The following COBLL1 variants were observed in gnomAD, a reference collection of about 807,000 sequenced individuals.
COBLL1 encodes cordon-bleu protein-like 1.
In COBLL1, 50 loss-of-function variants were observed where a neutral mutation model predicts 94.8. The ratio of observed to expected loss-of-function variants is 0.53; its 90% CI spans 0.42 to 0.67. The LOEUF (loss-of-function observed/expected upper bound fraction) is 0.67, where lower values mean the gene tolerates loss of function less well. Ranked by LOEUF, COBLL1 falls within the 30% of genes least tolerant of loss-of-function variation. The pLI is 0.00. For missense variants in COBLL1, 1,362 were observed against 1,348.7 expected (o/e 1.01, Z -0.15); for synonymous variants, 448 against 473.8 (o/e 0.95, Z 0.71).
chr2:164,754,080 C>T (rs773918730), intron 2 of COBLL1, among the ~76,000 whole-genome samples: 6 of 151,976 alleles, frequency 3.9e-5, no homozygotes, highest in Admixed American at 6.6e-5. Context: ...AAATACAGAT[C>T]GGGTATTTCC....
At chr2:164,816,877 T>C (rs191136143) in intron 2 of COBLL1, among the ~76,000 whole-genome samples, 7 of 152,230 alleles carry the variant, frequency 4.6e-5, no homozygotes, top group Admixed American at 3.3e-4. Flanking sequence ...GAAGTCAGGA[T>C]GGGATTTAGC....
intron 7 of COBLL1, among the ~76,000 whole-genome samples, chr2:164,705,904 T>C (rs1006059722): frequency 1.3e-5 from 2 of 152,082 alleles, no homozygotes; most frequent in Admixed American, 1.3e-4. Flanking sequence ...CGTGGTGGCA[T>C]GTGCCTGTAA....
intron 2 of COBLL1, among the ~76,000 whole-genome samples, chr2:164,776,080 A>G (rs1373580198): frequency 6.6e-6 from 1 of 151,666 alleles, no homozygotes; most frequent in African/African-American, 2.4e-5. Flanking sequence ...CTCCACTTCA[A>G]CAAACCCCCC....
At chr2:164,743,548 C>CTT in intron 3 of COBLL1, 139 bp downstream of exon 3, 1 of 676,922 alleles carries the variant, frequency 1.5e-6, no homozygotes, top group Admixed American at 3.0e-5. Context: ...TTTTAGCAGT[C>CTT]TTTTTTTTTA....
chr2:164,764,550 T>G (rs1367988141), intron 2 of COBLL1, among the ~76,000 whole-genome samples: 2 of 152,144 alleles, frequency 1.3e-5, no homozygotes, highest in African/African-American at 4.8e-5. Context: ...AGTTATGGTC[T>G]GAAAATATAT....
chr2:164,749,704 T>C (rs73968243), intron 2 of COBLL1, among the ~76,000 whole-genome samples: 6,518 of 152,238 alleles, frequency 0.043, 147 homozygotes, highest in East Asian at 0.07. Flanking sequence ...GAGCCTAATT[T>C]CAAATAGTGA....
chr2:164,818,842 C>T (rs1228552861), intron 2 of COBLL1, among the ~76,000 whole-genome samples: 1 of 151,114 alleles, frequency 6.6e-6, no homozygotes, highest in African/African-American at 2.4e-5. Flanking sequence ...AATCATAGTT[C>T]ACTGCAGCCT....
At chr2:164,808,532 G>A (rs1238485841) in intron 2 of COBLL1, among the ~76,000 whole-genome samples, 2 of 152,142 alleles carry the variant, frequency 1.3e-5, no homozygotes, top group African/African-American at 4.8e-5. Flanking sequence ...ATAGCTACAT[G>A]TTAGGATTAA....
intron 2 of COBLL1, among the ~76,000 whole-genome samples, chr2:164,659,029 T>A (rs1446971383): frequency 6.6e-6 from 1 of 152,158 alleles, no homozygotes; most frequent in African/African-American, 2.4e-5. Flanking sequence ...AATAATCTCC[T>A]AATGGCTTCC....
intron 2 of COBLL1, among the ~76,000 whole-genome samples, chr2:164,836,488 T>C (rs1339667119): frequency 1.3e-5 from 2 of 152,328 alleles, no homozygotes; most frequent in Non-Finnish European, 1.5e-5. Context: ...CATAGCACTA[T>C]GAAAAGCATA....
At chr2:164,718,729 C>T (rs953188495) in intron 7 of COBLL1, among the ~76,000 whole-genome samples, 5 of 152,056 alleles carry the variant, frequency 3.3e-5, no homozygotes, top group African/African-American at 7.2e-5. Flanking sequence ...GATTATTCTG[C>T]GCTGGCATCT....
intron 2 of COBLL1, among the ~76,000 whole-genome samples, chr2:164,784,314 C>T (rs577211674): frequency 2.0e-5 from 3 of 152,248 alleles, no homozygotes; most frequent in African/African-American, 7.2e-5. Flanking sequence ...TAAACATGTG[C>T]TTTTGTATAT....
rs1688115622 is a variant in COBLL1 at position 164,769,773 on chromosome 2, G to A, written c.42-25898C>T. 2.0e-5 allele frequency among the ~76,000 whole-genome samples: 3 copies of A among 151,864 alleles called. No individual in the cohort carries two copies. In the South Asian group the frequency reaches 6.3e-4, roughly 32 times the overall value. On this transcript the variant is annotated intron_variant, in intron 2 of 13. Coordinates refer to ENST00000652658, the MANE Select transcript of COBLL1 (RefSeq NM_001365672.2). ...TCTAAACCAGGAAGGGAAGAAACTC[G>A]AGTTTTGCCACATATACCCCCCCCA...
At position 164,681,686 on chromosome 2, in the gene COBLL1, A is replaced by G. The variant is rs916344621; in HGVS notation, c.*4260T>C. 2.0e-5 allele frequency: 3 copies of G among 152,224 alleles called. No homozygotes were observed. The highest frequency in any genetic ancestry group is 4.4e-5 in the Non-Finnish European group (3 of 68,030). The allele number at this position is 152,224 out of a possible 1,614,324, so 9.4% of individuals were successfully genotyped here. A position where few individuals can be genotyped will look rare whatever the true frequency, so the allele number is the denominator to read the frequency against. On this transcript the variant is annotated 3_prime_UTR_variant, in exon 14 of 14. Coordinates refer to ENST00000652658, the MANE Select transcript of COBLL1 (RefSeq NM_001365672.2). ...GAAACTAAGAATAAACTGGGGAGCA[A>G]AAAAGTTGCTTCTTTTTGAAAACTA...
chr2:164,703,923 CT>C (rs1156508086), intron 9 of COBLL1, among the ~76,000 whole-genome samples: 9 of 152,090 alleles, frequency 5.9e-5, no homozygotes, highest in Non-Finnish European at 1.2e-4. Context: ...AATTATGTAA[CT>C]TGTAATGGAA....
At chr2:164,773,801 C>G in intron 2 of COBLL1, 1 of 1,249,728 alleles carries the variant, frequency 8.0e-7, no homozygotes, top group Non-Finnish European at 1.0e-6. Context: ...GTTACTAACT[C>G]AACTGTTTAT....
At chr2:164,689,924 C>T (rs990088168) in intron 13 of COBLL1, among the ~76,000 whole-genome samples, 4 of 152,078 alleles carry the variant, frequency 2.6e-5, no homozygotes, top group African/African-American at 9.7e-5. Flanking sequence ...CTTATGCATG[C>T]ATCACTAAAT....
chr2:164,772,237 GCTGTT>G (rs10608797), intron 2 of COBLL1, among the ~76,000 whole-genome samples: 35,269 of 151,584 alleles, frequency 0.23, 4,729 homozygotes, highest in African/African-American at 0.37. Flanking sequence ...TGCAGTTTGT[GCTGTT>G]CTGGTTTATG....
chr2:164,765,188 C>A (rs903794021), intron 2 of COBLL1, among the ~76,000 whole-genome samples: 2 of 152,120 alleles, frequency 1.3e-5, no homozygotes, highest in African/African-American at 4.8e-5. Flanking sequence ...AGACATCATG[C>A]GCTTCATGAC....
Sources: gnomAD v4.1 joint callset for allele counts (sites outside exome capture counted in the v4.1 genomes callset) on GRCh38, gnomAD v4.1.1 for gene constraint, MANE v1.5 for transcripts, NCBI Gene and HGNC (gene_info 2026-07-23, HGNC 2026-07-21) for gene names.